GRID2: variants seen among roughly 807,000 people sequenced by gnomAD.
The protein encoded by GRID2 is glutamate ionotropic receptor delta type subunit 2.
In GRID2, 33 loss-of-function variants were observed where a neutral mutation model predicts 114.8. The ratio of observed to expected loss-of-function variants is 0.29; its 90% CI spans 0.22 to 0.38. The LOEUF is 0.38. GRID2 is among the 10% of genes least tolerant of loss of function. The probability of loss-of-function intolerance (pLI) is 1.00; values close to 1 mark genes in which losing one functional copy is unlikely to be tolerated. For missense variants in GRID2, 1,184 were observed against 1,257.7 expected (o/e 0.94, Z 0.89); for synonymous variants, 505 against 449.9 (o/e 1.12, Z -1.55).
intron 8 of GRID2, among the ~76,000 whole-genome samples, chr4:93,285,014 T>G (rs1051691055): frequency 6.6e-6 from 1 of 152,018 alleles, no homozygotes; most frequent in East Asian, 1.9e-4. Context: ...ATTTTTTAAT[T>G]TTTTTAAACC....
At chr4:93,336,483 A>G (rs555724124) in intron 8 of GRID2, among the ~76,000 whole-genome samples, 1 of 152,318 alleles carries the variant, frequency 6.6e-6, no homozygotes, top group Admixed American at 6.5e-5. Flanking sequence ...TTTCCCACTA[A>G]AACAAGCAAT....
At chr4:92,413,856 A>G (rs749066059) in intron 1 of GRID2, among the ~76,000 whole-genome samples, 2 of 152,158 alleles carry the variant, frequency 1.3e-5, no homozygotes, top group African/African-American at 2.4e-5. Flanking sequence ...AAGAGAGATG[A>G]TCCCTACAAA....
rs114646605 is a variant in GRID2 at position 93,411,158 on chromosome 4, A to G, written c.1348-11613A>G. ...ATTCTTCCATCAAAAGTTACTTGCT[A>G]ATATTTTAGTGTCTACCACTAGCTA... On this transcript the variant is annotated intron_variant, in intron 9 of 15. Transcript: ENST00000282020. Among the ~76,000 whole-genome samples, 1,157 of 152,188 alleles carry G rather than the reference A, an allele frequency of 7.6e-3. 15 individuals are homozygous for G. Among genetic ancestry groups the G allele is most frequent in the African/African-American group, 0.026 (1,086 of 41,558 alleles).
chr4:92,754,602 C>T (rs1233075970), intron 2 of GRID2, among the ~76,000 whole-genome samples: 5 of 152,164 alleles, frequency 3.3e-5, no homozygotes, highest in South Asian at 4.1e-4. Flanking sequence ...CTTAAATCAG[C>T]GCCTGACACA....
intron 1 of GRID2, among the ~76,000 whole-genome samples, chr4:92,475,585 T>C (rs1436975837): frequency 6.6e-6 from 1 of 151,990 alleles, no homozygotes; most frequent in Non-Finnish European, 1.5e-5. Context: ...CTTTGTAGTA[T>C]TTTTTGAAAT....
intron 2 of GRID2, among the ~76,000 whole-genome samples, chr4:93,074,649 C>T (rs1411362003): frequency 6.6e-6 from 1 of 151,742 alleles, no homozygotes; most frequent in African/African-American, 2.4e-5. Flanking sequence ...AGATCAGAGC[C>T]GAAATCAATG....
chr4:92,768,114 A>G (rs1738355226), intron 2 of GRID2, among the ~76,000 whole-genome samples: 2 of 152,316 alleles, frequency 1.3e-5, no homozygotes, highest in Admixed American at 6.5e-5. Flanking sequence ...TAAAATCTTT[A>G]TCAATGTCAT....
chr4:93,237,704 A>G (rs1746963733), intron 7 of GRID2, among the ~76,000 whole-genome samples: 1 of 151,938 alleles, frequency 6.6e-6, no homozygotes, highest in South Asian at 2.1e-4. Flanking sequence ...TATGACCTAC[A>G]TTGCCATCTG....
At chr4:93,585,518 A>G (rs1348497943) in intron 13 of GRID2, among the ~76,000 whole-genome samples, 1 of 152,054 alleles carries the variant, frequency 6.6e-6, no homozygotes, top group African/African-American at 2.4e-5. Context: ...ATCCCACAAC[A>G]TGGTCTCAAC....
At chr4:92,786,492 A>T (rs958541277) in intron 2 of GRID2, among the ~76,000 whole-genome samples, 2 of 151,822 alleles carry the variant, frequency 1.3e-5, no homozygotes, top group African/African-American at 4.8e-5. Context: ...TGCTGTCACC[A>T]TTACAAGGAC....
chr4:92,831,748 T>C (rs1186255599), intron 2 of GRID2, among the ~76,000 whole-genome samples: 1 of 152,016 alleles, frequency 6.6e-6, no homozygotes, highest in Non-Finnish European at 1.5e-5. Flanking sequence ...TAGTCCTAGC[T>C]ACTTGAGAGG....
At chr4:92,430,842 G>GTTATT (rs1579346291) in intron 1 of GRID2, among the ~76,000 whole-genome samples, 1 of 151,954 alleles carries the variant, frequency 6.6e-6, no homozygotes, top group Non-Finnish European at 1.5e-5. Context: ...TTTATTCTCT[G>GTTATT]TTATTTTATT....
chr4:92,464,537 G>T (rs143477097), intron 1 of GRID2, among the ~76,000 whole-genome samples: 1 of 151,638 alleles, frequency 6.6e-6, no homozygotes, highest in Non-Finnish European at 1.5e-5. Context: ...ATAATATAAC[G>T]CCTGCTAATA....
At chr4:92,438,128 C>A (rs13434458) in intron 1 of GRID2, among the ~76,000 whole-genome samples, 1 of 152,014 alleles carries the variant, frequency 6.6e-6, no homozygotes, top group East Asian at 1.9e-4. Context: ...TTATTTTATA[C>A]GTACATATGC....
chr4:92,638,359 G>A (rs1731176491), intron 2 of GRID2, among the ~76,000 whole-genome samples: 2 of 150,644 alleles, frequency 1.3e-5, no homozygotes, highest in South Asian at 4.2e-4. Context: ...TGGGCTTACT[G>A]TACAATCAGC....
At chr4:93,141,294 G>T (rs1435701734) in intron 4 of GRID2, among the ~76,000 whole-genome samples, 1 of 151,982 alleles carries the variant, frequency 6.6e-6, no homozygotes, top group Non-Finnish European at 1.5e-5. Flanking sequence ...GTTTAACCTT[G>T]AGATAAGATT....
At chr4:93,551,457 G>A (rs766208692) in intron 13 of GRID2, among the ~76,000 whole-genome samples, 13 of 151,836 alleles carry the variant, frequency 8.6e-5, no homozygotes, top group Non-Finnish European at 1.8e-4. Context: ...GAAGTGAGAT[G>A]AGCTTGGCAG....
chr4:92,610,684 A>G (rs1204049182), intron 2 of GRID2, among the ~76,000 whole-genome samples: 4 of 151,702 alleles, frequency 2.6e-5, no homozygotes, highest in Non-Finnish European at 5.9e-5. Flanking sequence ...CCATTTGTAG[A>G]ACTTTTCCAT....
At chr4:92,428,812 G>A (rs1178711776) in intron 1 of GRID2, among the ~76,000 whole-genome samples, 1 of 151,928 alleles carries the variant, frequency 6.6e-6, no homozygotes, top group African/African-American at 2.4e-5. Flanking sequence ...TGCACAGTAG[G>A]TGTGTACATT....
Sources: gnomAD v4.1 joint callset for allele counts (sites outside exome capture counted in the v4.1 genomes callset) on GRCh38, gnomAD v4.1.1 for gene constraint, MANE v1.5 for transcripts, NCBI Gene and HGNC (gene_info 2026-07-23, HGNC 2026-07-21) for gene names.